Variants in PEPD observed in about 807,000 individuals in gnomAD.
PEPD encodes peptidase D.
Under a neutral mutation model 60.7 loss-of-function variants are expected in PEPD, and 53 were observed. That is an observed-to-expected ratio of 0.87 (90% CI 0.70 to 1.10). The LOEUF is 1.10. PEPD is among the 50% of genes least tolerant of loss of function. The probability of loss-of-function intolerance (pLI) is 0.00; values close to 1 mark genes in which losing one functional copy is unlikely to be tolerated. For synonymous variants in PEPD, 267 were observed against 284.1 expected (o/e 0.94, Z 0.60); for missense variants, 711 against 711.9 (o/e 1.00, Z 0.01).
chr19:33,505,871 A>G (rs1463352451), intron 3 of PEPD, among the ~76,000 whole-genome samples: 1 of 127,606 alleles, frequency 7.8e-6, no homozygotes, highest in Non-Finnish European at 1.8e-5. Flanking sequence ...ACCACACCCC[A>G]TCACAAACAC....
intron 12 of PEPD, among the ~76,000 whole-genome samples, chr19:33,399,235 C>T (rs1968433594): frequency 6.6e-6 from 1 of 152,186 alleles, no homozygotes; most frequent in African/African-American, 2.4e-5. Flanking sequence ...GTGATCCGCC[C>T]GCCTCCCAAG....
At chr19:33,512,832 T>C (rs1970955502) in intron 1 of PEPD, 56 bp from the exon 2 acceptor site, 1 of 1,590,350 alleles carries the variant, frequency 6.3e-7, no homozygotes, top group Non-Finnish European at 8.6e-7. Flanking sequence ...TCTCCAAGCA[T>C]GCCCACACCT....
chr19:33,403,526 A>G (rs1276245002), intron 11 of PEPD, among the ~76,000 whole-genome samples: 2 of 152,156 alleles, frequency 1.3e-5, no homozygotes, highest in South Asian at 4.2e-4. Context: ...CCACTCCACA[A>G]ACATTCCAGA....
chr19:33,517,384 C>A lies in PEPD; in HGVS notation c.17+4360G>T, dbSNP rs147203684. Among the ~76,000 whole-genome samples, 935 of 151,742 alleles carry A rather than the reference C, an allele frequency of 6.2e-3. 12 individuals are homozygous for A. The highest frequency in any genetic ancestry group is 0.021 in the Middle Eastern group (6 of 292). ...ATACCACCTGGCCAACATGGTGAGC[C>A]CCTGTGTCTACTAAAAATACAAAAA... On this transcript the variant is annotated intron_variant, in intron 1 of 14. Transcript: ENST00000244137.
chr19:33,511,595 G>A (rs1011362643), intron 2 of PEPD: 23 of 294,808 alleles, frequency 7.8e-5, no homozygotes, highest in South Asian at 4.4e-4. Flanking sequence ...TCCCACCCCC[G>A]GGACGGCTGA....
intron 7 of PEPD, among the ~76,000 whole-genome samples, chr19:33,472,606 C>G (rs1031472400): frequency 3.3e-5 from 5 of 152,196 alleles, no homozygotes; most frequent in Admixed American, 2.6e-4. Flanking sequence ...TAAACATTCA[C>G]AAGTCACAGC....
intron 6 of PEPD, among the ~76,000 whole-genome samples, chr19:33,485,757 A>T (rs1055372751): frequency 6.6e-6 from 1 of 152,206 alleles, no homozygotes; most frequent in African/African-American, 2.4e-5. Context: ...TCAAATATGC[A>T]GGGTGATCTA....
chr19:33,452,843 C>A (rs1016256536), intron 9 of PEPD, among the ~76,000 whole-genome samples: 2 of 152,182 alleles, frequency 1.3e-5, no homozygotes, highest in African/African-American at 4.8e-5. Context: ...CAAAGGACTT[C>A]ATGCCTTCAA....
chr19:33,471,872 A>G (rs1970126888), intron 7 of PEPD, among the ~76,000 whole-genome samples: 2 of 152,010 alleles, frequency 1.3e-5, no homozygotes, highest in Non-Finnish European at 2.9e-5. Context: ...TTTAAAAATC[A>G]GCCAGATGGC....
At chr19:33,478,181 C>T in intron 6 of PEPD, 91 bp from the exon 7 acceptor site, 1 of 824,850 alleles carries the variant, frequency 1.2e-6, no homozygotes, top group South Asian at 1.4e-5. Flanking sequence ...ACACGTGATG[C>T]ATTAAAGAGG....
At chr19:33,490,375 C>A (rs1970475890) in intron 5 of PEPD, among the ~76,000 whole-genome samples, 1 of 152,238 alleles carries the variant, frequency 6.6e-6, no homozygotes, top group African/African-American at 2.4e-5. Context: ...CAGGCGAGGA[C>A]CCGGGACCAC....
At chr19:33,501,570 G>A (rs866175364) in intron 3 of PEPD, among the ~76,000 whole-genome samples, 4 of 152,002 alleles carry the variant, frequency 2.6e-5, no homozygotes, top group African/African-American at 7.2e-5. Flanking sequence ...CCACCTACTC[G>A]GGAGGCTGAG....
At chr19:33,474,170 G>A (rs1029613753) in intron 7 of PEPD, among the ~76,000 whole-genome samples, 1 of 152,190 alleles carries the variant, frequency 6.6e-6, no homozygotes, top group Non-Finnish European at 1.5e-5. Context: ...TGGACCGTAC[G>A]TTCAGTGGGA....
At chr19:33,496,602 C>T (rs1970608229) in intron 4 of PEPD, among the ~76,000 whole-genome samples, 1 of 152,210 alleles carries the variant, frequency 6.6e-6, no homozygotes, top group African/African-American at 2.4e-5. Context: ...CCCGATGTAT[C>T]CCCAGCACAC....
At chr19:33,389,822 G>A (rs935650820) in intron 13 of PEPD, among the ~76,000 whole-genome samples, 2 of 152,268 alleles carry the variant, frequency 1.3e-5, no homozygotes, top group African/African-American at 2.4e-5. Context: ...GCCCAGTGGC[G>A]CAGCTGCCCC....
chr19:33,501,102 A>G, intron 3 of PEPD, 101 bp from the exon 4 acceptor site: 1 of 795,190 alleles, frequency 1.3e-6, no homozygotes, highest in African/African-American at 1.7e-5. Flanking sequence ...CCCCAGTCCC[A>G]TCCCTATCAC....
chr19:33,441,422 C>G (rs73588272), intron 9 of PEPD, among the ~76,000 whole-genome samples: 1,818 of 152,334 alleles, frequency 0.012, 37 homozygotes, highest in African/African-American at 0.041. Flanking sequence ...GTGACCACAT[C>G]CCCAGGAAAT....
chr19:33,507,812 G>A (rs2145348024), intron 3 of PEPD, among the ~76,000 whole-genome samples: 1 of 152,222 alleles, frequency 6.6e-6, no homozygotes, highest in South Asian at 2.1e-4. Flanking sequence ...TGTTACAACT[G>A]AGCCTTCTCT....
At chr19:33,474,473 T>C (rs1276688929) in intron 7 of PEPD, among the ~76,000 whole-genome samples, 1 of 152,232 alleles carries the variant, frequency 6.6e-6, no homozygotes, top group East Asian at 1.9e-4. Flanking sequence ...GTCAGTGTTA[T>C]CAAGATGTGC....
Sources: allele counts gnomAD v4.1 joint callset (sites outside exome capture counted in the v4.1 genomes callset), GRCh38; gene constraint gnomAD v4.1.1; transcripts MANE v1.5; gene names NCBI Gene and HGNC (gene_info 2026-07-23, HGNC 2026-07-21).